The following GNE variants were observed in gnomAD, a reference collection of about 807,000 sequenced individuals.
The protein encoded by GNE is glucosamine (UDP-N-acetyl)-2-epimerase/N-acetylmannosamine kinase, also known as bifunctional UDP-N-acetylglucosamine 2-epimerase/N-acetylmannosamine kinase.
Under a neutral mutation model 61.8 loss-of-function variants are expected in GNE, and 41 were observed. The observed-to-expected ratio is 0.66, with a 90% CI of 0.52 to 0.86. The LOEUF (loss-of-function observed/expected upper bound fraction) is 0.86, where lower values mean the gene tolerates loss of function less well. Ranked by LOEUF, GNE falls within the 40% of genes least tolerant of loss-of-function variation. The pLI is 0.00. For synonymous variants in GNE, 264 were observed against 326.4 expected, an observed-to-expected ratio of 0.81 and a Z score of 2.06; for missense variants, 608 against 909.1, an observed-to-expected ratio of 0.67 and a Z score of 4.26.
intron 1 of GNE, among the ~76,000 whole-genome samples, chr9:36,257,781 CG>C (rs1830431769): frequency 9.4e-6 from 1 of 106,726 alleles, no homozygotes; most frequent in Non-Finnish European, 1.7e-5. Context: ...CCAGCCTGGG[CG>C]ACAGAGCGAG....
At chr9:36,245,881 T>C in intron 3 of GNE, 150 bp downstream of exon 3, 1 of 641,878 alleles carries the variant, frequency 1.6e-6, no homozygotes. Flanking sequence ...GGTAAAGTCA[T>C]ACCACAGGGC....
rs186645647 is a variant in GNE, at chr9:36,241,603, A to G, written c.616+4428T>C. Among the ~76,000 whole-genome samples the G allele has an allele frequency of 6.2e-3, 938 of 152,272 alleles. 11 individuals are homozygous for G. Among genetic ancestry groups the G allele is most frequent in the African/African-American group, 0.021 (861 of 41,560 alleles). ...TTATTACCAGTCTTTGTATCTATCC[A>G]TAATTCAGCAGCCTCAGCCCTTTCA... On this transcript the variant is annotated intron_variant, in intron 3 of 11. Transcript: ENST00000642385.
At chr9:36,232,328 G>GCCA (rs1563937059) in intron 5 of GNE, among the ~76,000 whole-genome samples, 1 of 118,380 alleles carries the variant, frequency 8.4e-6, no homozygotes, top group African/African-American at 3.2e-5. Flanking sequence ...TTTTATTCTT[G>GCCA]CCCCCCCGCC....
intron 3 of GNE, among the ~76,000 whole-genome samples, chr9:36,242,400 A>C (rs565550699): frequency 6.6e-6 from 1 of 152,012 alleles, no homozygotes; most frequent in Non-Finnish European, 1.5e-5. Context: ...ATTTTGCTAC[A>C]TTCTGCTTTC....
At position 36,229,010 on chromosome 9, in the gene GNE, T is replaced by C. The variant is rs182863998; in HGVS notation, c.1070+11A>G. The C allele has an allele frequency of 1.3e-6, 2 of 1,494,712 alleles. No homozygotes were observed. The highest frequency in any genetic ancestry group is 1.9e-6 in the Non-Finnish European group (2 of 1,071,292). The allele number at this position is 1,494,712 out of a possible 1,614,324, so 92.6% of individuals were successfully genotyped here. A position where few individuals can be genotyped will look rare whatever the true frequency, so the allele number is the denominator to read the frequency against. On this transcript the variant is annotated intron_variant, in intron 6 of 11. Coordinates refer to ENST00000642385, the MANE Select transcript of GNE (RefSeq NM_005476.7). The stretch of plus-strand genomic sequence containing the variant: ...TTTTAAATCACTCAACAAAGAATGT[T>C]TTATACTCACCAAGGGTACTGTTTA...
upstream of GNE, among the ~76,000 whole-genome samples, chr9:36,262,392 A>G (rs967011463): frequency 1.3e-5 from 2 of 152,104 alleles, no homozygotes; most frequent in African/African-American, 4.8e-5. Context: ...TGCAGCAAGG[A>G]CCCTTAGGAG....
chr9:36,236,752 A>G, intron 4 of GNE, 80 bp downstream of exon 4: 1 of 1,197,768 alleles, frequency 8.3e-7, no homozygotes, highest in Non-Finnish European at 1.2e-6. Flanking sequence ...TGAGCAAGAT[A>G]GGAAGGCAGT....
rs368743284 is a variant in GNE at position 36,266,937 on chromosome 9, C to T, written c.51+9957G>A. 5.5e-4 allele frequency among the ~76,000 whole-genome samples: 83 copies of T among 151,504 alleles called. 1 individual carries two copies. In the East Asian group the frequency reaches 0.011, roughly 21 times the overall value. Reference sequence around the variant, plus strand: ...ACAAAAATTAACCGGGTGGTGGCCCCCGCCTGTAATCTCAGCTACTCGGGA... The same window carrying T: ...ACAAAAATTAACCGGGTGGTGGCCCTCGCCTGTAATCTCAGCTACTCGGGA... On this transcript the variant is annotated intron_variant, in intron 1 of 11. Coordinates refer to the GNE transcript ENST00000396594.
chr9:36,222,736 A>G, intron 9 of GNE, 41 bp downstream of exon 9: 1 of 1,274,924 alleles, frequency 7.8e-7, no homozygotes. Flanking sequence ...GCTCCAATAT[A>G]CATTCTAGCT....
Position 36,218,240 on chromosome 9 carries a change from G to A in GNE, c.1876C>T (p.His626Tyr). The part of the protein sequence containing the change: ...VPKDEAVGAL[H>Y]LIQAAKLGNA... The stretch of plus-strand genomic sequence containing the variant: ...CCAAGTTTCGCAGCTTGGATGAGAT[G>A]GAGCGCACCCACAGCCTCATCTTTT... The change falls in exon 11 of 12, where the codon CAT (histidine) becomes TAT (tyrosine). Residue 626 changes from histidine (H) to tyrosine (Y), a missense_variant. His to Tyr is a moderately conservative substitution (Grantham distance 83, BLOSUM62 2). Coordinates refer to ENST00000642385, the MANE Select transcript of GNE (RefSeq NM_005476.7). The surrounding 1 kb of genome is among the most constrained non-coding windows in gnomAD (Gnocchi z 4.1). 1 of 1,614,024 alleles carries A rather than the reference G, an allele frequency of 6.2e-7. No individual in the cohort carries two copies. Among genetic ancestry groups the A allele is most frequent in the East Asian group, 2.2e-5 (1 of 44,858 alleles).
upstream of GNE, among the ~76,000 whole-genome samples, chr9:36,261,458 C>T (rs1830614430): frequency 6.7e-6 from 1 of 149,260 alleles, no homozygotes; most frequent in Admixed American, 6.8e-5. Context: ...GAGGCCGAGG[C>T]AGGAGAATAA....
At chr9:36,223,972 A>G (rs1450993823) in intron 7 of GNE, among the ~76,000 whole-genome samples, 5 of 151,818 alleles carry the variant, frequency 3.3e-5, no homozygotes, top group African/African-American at 9.7e-5. Flanking sequence ...GGCTGGTCTC[A>G]AACTCCTGAC....
At chr9:36,252,251 C>T (rs1176870622) in intron 1 of GNE, among the ~76,000 whole-genome samples, 10 of 152,138 alleles carry the variant, frequency 6.6e-5, no homozygotes, top group Non-Finnish European at 1.2e-4. Context: ...TCCCAAAGTG[C>T]TGGGATTACA....
At chr9:36,230,538 T>TAAC (rs1235185661) in intron 5 of GNE, among the ~76,000 whole-genome samples, 1 of 150,764 alleles carries the variant, frequency 6.6e-6, no homozygotes, top group Non-Finnish European at 1.5e-5. Context: ...TAGCTCACTG[T>TAAC]AACAAACTCC....
Position 36,249,389 on chromosome 9 carries a change from A to G in GNE, c.-34T>C, listed in dbSNP as rs2133126743. 1 of 1,607,070 alleles carries G rather than the reference A, an allele frequency of 6.2e-7. No homozygotes were observed. Among genetic ancestry groups the G allele is most frequent in the Non-Finnish European group, 8.5e-7 (1 of 1,174,658 alleles). ...TGTTTCGTTTTGAGAGGTTCTTAAAATAGAGTTCCTGAAATTGCCAAAATA... is the reference window on the plus strand; with the variant it reads ...TGTTTCGTTTTGAGAGGTTCTTAAAGTAGAGTTCCTGAAATTGCCAAAATA... On this transcript the variant is annotated 5_prime_UTR_variant, in exon 2 of 12. Transcript: ENST00000642385.
At position 36,246,372 on chromosome 9, in the gene GNE, A is replaced by G; in HGVS notation, c.275T>C (p.Leu92Pro). The G allele has an allele frequency of 6.2e-7, 1 of 1,613,840 alleles. No homozygotes were observed. Among genetic ancestry groups the G allele is most frequent in the Non-Finnish European group, 8.5e-7 (1 of 1,179,716 alleles). Reference sequence around the variant, plus strand: ...ATTAAGGACATCTGGCAGCTTCACTAGGGCCAGGCCTACTGACTCCACCAT... The same window carrying G: ...ATTAAGGACATCTGGCAGCTTCACTGGGGCCAGGCCTACTGACTCCACCAT... Reference protein sequence around the residue: ...AAMVESVGLALVKLPDVLNRL... With the variant: ...AAMVESVGLAPVKLPDVLNRL... The change falls in exon 3 of 12, where the codon CTA becomes CCA. Residue 92 changes from leucine to proline, a missense_variant. By Grantham distance (98) the Leu-to-Pro change is moderately conservative. Transcript: ENST00000642385.
intron 2 of GNE, among the ~76,000 whole-genome samples, chr9:36,248,119 C>T (rs1293229267): frequency 6.6e-6 from 1 of 151,882 alleles, no homozygotes; most frequent in East Asian, 1.9e-4. Context: ...AGCGAATTCC[C>T]ACCTTGTTTT....
intron 3 of GNE, among the ~76,000 whole-genome samples, chr9:36,239,378 G>A (rs763880267): frequency 6.6e-6 from 1 of 151,868 alleles, no homozygotes; most frequent in African/African-American, 2.4e-5. Flanking sequence ...GATGTGTTTC[G>A]CAGTATCAGC....
At chr9:36,261,071 C>T (rs1830601727), upstream of GNE, among the ~76,000 whole-genome samples, 1 of 152,000 alleles carries the variant, frequency 6.6e-6, no homozygotes, top group Admixed American at 6.6e-5. Context: ...TGGCACATGG[C>T]ACCTCTGACT....
Sources: gnomAD v4.1 joint callset for allele counts (sites outside exome capture counted in the v4.1 genomes callset) on GRCh38, gnomAD v4.1.1 for gene constraint, Gnocchi (gnomAD v3.1) non-coding constraint, MANE v1.5 for transcripts, NCBI Gene and HGNC (gene_info 2026-07-23, HGNC 2026-07-21) for gene names.